SLC9A7: variants seen among roughly 807,000 people sequenced by gnomAD.
The protein encoded by SLC9A7 is solute carrier family 9 member A7, also known as sodium/hydrogen exchanger 7.
In SLC9A7, 19 loss-of-function variants were observed where a neutral mutation model predicts 52.6. The ratio of observed to expected loss-of-function variants is 0.36; its 90% CI spans 0.25 to 0.53. The LOEUF (loss-of-function observed/expected upper bound fraction) is 0.53. SLC9A7 is among the 20% of genes least tolerant of loss of function. SLC9A7 has a pLI of 0.91. For synonymous variants in SLC9A7, 226 were observed against 252.1 expected (o/e 0.90, Z 0.98); for missense variants, 455 against 597.9 (o/e 0.76, Z 2.49).
chrX:46,686,526 T>C (rs983752010), intron 1 of SLC9A7, among the ~76,000 whole-genome samples: 2 of 112,079 alleles, frequency 1.8e-5, no homozygotes, highest in African/African-American at 6.5e-5. Context: ...ATGAACAGCA[T>C]ATTTTCATCT....
intron 1 of SLC9A7, chrX:46,725,058 A>C (rs192796021): frequency 2.9e-4 from 137 of 472,510 alleles, no homozygotes; most frequent in Middle Eastern, 6.1e-4. Flanking sequence ...AAAGGAAAGA[A>C]ACGTAAATCT....
intron 2 of SLC9A7, among the ~76,000 whole-genome samples, chrX:46,680,383 C>T (rs747017742): frequency 1.8e-5 from 2 of 110,386 alleles, no homozygotes; most frequent in East Asian, 5.6e-4. Context: ...TTTCATCACA[C>T]GTTTATAAAG....
At chrX:46,665,541 G>GAGTA (rs1410004688) in intron 5 of SLC9A7, among the ~76,000 whole-genome samples, 1 of 74,133 alleles carries the variant, frequency 1.3e-5, no homozygotes, top group African/African-American at 6.2e-5. Context: ...CTGGGCGACA[G>GAGTA]AGTAAGACTC....
chrX:46,642,567 G>A (rs1943423243), intron 12 of SLC9A7, among the ~76,000 whole-genome samples: 1 of 112,133 alleles, frequency 8.9e-6, no homozygotes, highest in Non-Finnish European at 1.9e-5. Flanking sequence ...TGGGCTGTGG[G>A]TCTCTTGAAC....
intron 1 of SLC9A7, among the ~76,000 whole-genome samples, chrX:46,741,964 A>T (rs1170221848): frequency 2.7e-5 from 3 of 111,785 alleles, no homozygotes; most frequent in African/African-American, 9.7e-5. Context: ...AGTACAATTT[A>T]AAAATGGGCA....
At chrX:46,657,058 G>A (rs1167237033) in intron 7 of SLC9A7, among the ~76,000 whole-genome samples, 2 of 104,576 alleles carry the variant, frequency 1.9e-5, no homozygotes, top group Non-Finnish European at 4.0e-5. Context: ...AGAGAGTGGG[G>A]GCCAATATTC....
chrX:46,673,774 G>A (rs1944064725), intron 3 of SLC9A7, among the ~76,000 whole-genome samples: 1 of 111,241 alleles, frequency 9.0e-6, no homozygotes, highest in South Asian at 3.8e-4. Flanking sequence ...CAGACACAGG[G>A]CCTTCCCAGT....
At chrX:46,720,348 T>A (rs1179455829) in intron 1 of SLC9A7, among the ~76,000 whole-genome samples, 1 of 110,532 alleles carries the variant, frequency 9.0e-6, no homozygotes, top group African/African-American at 3.3e-5. Context: ...CAACTCTACT[T>A]CTCAAGTATT....
intron 1 of SLC9A7, among the ~76,000 whole-genome samples, chrX:46,719,123 G>T (rs897639422): frequency 4.5e-5 from 5 of 110,910 alleles, no homozygotes; most frequent in Non-Finnish European, 9.4e-5. Context: ...CCATAAAAAG[G>T]ATGAGTTCCT....
At chrX:46,644,096 T>C (rs1943449508) in intron 11 of SLC9A7, among the ~76,000 whole-genome samples, 1 of 112,336 alleles carries the variant, frequency 8.9e-6, no homozygotes, top group Non-Finnish European at 1.9e-5. Context: ...TGCTTAACTG[T>C]TGTTTCAAAG....
intron 1 of SLC9A7, among the ~76,000 whole-genome samples, chrX:46,741,346 A>T (rs1189045608): frequency 8.9e-6 from 1 of 111,919 alleles, no homozygotes; most frequent in Non-Finnish European, 1.9e-5. Context: ...AGAAAGAGTA[A>T]GGTTGGAGGA....
At chrX:46,640,876 T>C (rs1230962315) in intron 12 of SLC9A7, among the ~76,000 whole-genome samples, 1 of 112,209 alleles carries the variant, frequency 8.9e-6, no homozygotes, top group Admixed American at 9.4e-5. Flanking sequence ...TGAAATACCC[T>C]GACAATACCA....
chrX:46,678,516 G>A (rs1267041043), intron 3 of SLC9A7, among the ~76,000 whole-genome samples: 2 of 106,559 alleles, frequency 1.9e-5, no homozygotes, highest in African/African-American at 3.4e-5. Flanking sequence ...GGCTCACTGC[G>A]GCCTCAAACT....
chrX:46,642,087 G>T (rs1265172340), intron 12 of SLC9A7, among the ~76,000 whole-genome samples: 1 of 112,072 alleles, frequency 8.9e-6, no homozygotes, highest in Non-Finnish European at 1.9e-5. Flanking sequence ...GGCAGCAGAA[G>T]TGGCAGCCCA....
At chrX:46,718,664 G>A (rs1483359086) in intron 1 of SLC9A7, among the ~76,000 whole-genome samples, 1 of 112,347 alleles carries the variant, frequency 8.9e-6, no homozygotes, top group Non-Finnish European at 1.9e-5. Flanking sequence ...CTCAAAAGAA[G>A]ACATTTATGC....
chrX:46,706,324 C>A (rs1944605117), intron 1 of SLC9A7, among the ~76,000 whole-genome samples: 1 of 105,440 alleles, frequency 9.5e-6, no homozygotes, highest in Non-Finnish European at 2.0e-5. Flanking sequence ...ATCACCTTGA[C>A]ATGGGAAGAG....
chrX:46,714,720 T>C (rs1367532808), intron 1 of SLC9A7, among the ~76,000 whole-genome samples: 1 of 112,123 alleles, frequency 8.9e-6, no homozygotes, highest in African/African-American at 3.2e-5. Context: ...CTGGACTTCG[T>C]TATATTTCTA....
intron 1 of SLC9A7, among the ~76,000 whole-genome samples, chrX:46,695,212 GT>G (rs961584310): frequency 2.2e-4 from 24 of 111,454 alleles, no homozygotes; most frequent in African/African-American, 6.2e-4. Context: ...TGTCAATAAA[GT>G]TTTTTTTTAA....
chrX:46,739,419 A>T (rs5906266), intron 1 of SLC9A7, among the ~76,000 whole-genome samples: 35,315 of 109,381 alleles, frequency 0.32, 4,534 homozygotes, highest in African/African-American at 0.46. Flanking sequence ...TGCTCTGCAC[A>T]TGTCACAGGG....
Sources: allele counts gnomAD v4.1 joint callset (sites outside exome capture counted in the v4.1 genomes callset), GRCh38; gene constraint gnomAD v4.1.1; transcripts MANE v1.5; gene names NCBI Gene and HGNC (gene_info 2026-07-23, HGNC 2026-07-21).